The following PRKCE variants were observed in gnomAD, a reference collection of about 807,000 sequenced individuals.
PRKCE encodes protein kinase C epsilon type.
Under a neutral mutation model 85.4 loss-of-function variants are expected in PRKCE, and 16 were observed. The observed-to-expected ratio is 0.19, with a 90% CI of 0.13 to 0.28. PRKCE has a LOEUF of 0.28. Ranked by LOEUF, PRKCE falls within the 10% of genes least tolerant of loss-of-function variation. PRKCE has a pLI of 1.00. For missense variants in PRKCE, 573 were observed against 975.2 expected (o/e 0.59, Z 5.49); for synonymous variants, 388 against 371.5 (o/e 1.04, Z -0.51).
At chr2:45,708,017 A>G (rs1679264149) in intron 1 of PRKCE, among the ~76,000 whole-genome samples, 2 of 152,224 alleles carry the variant, frequency 1.3e-5, no homozygotes, top group Non-Finnish European at 2.9e-5. Context: ...CCTCGATGGC[A>G]GGCAGTGCAT....
At chr2:45,752,330 A>G (rs1169642416) in intron 1 of PRKCE, among the ~76,000 whole-genome samples, 2 of 152,224 alleles carry the variant, frequency 1.3e-5, no homozygotes, top group Admixed American at 1.3e-4. Context: ...TTTTAAGTAG[A>G]AGAGTTGAGT....
chr2:45,717,107 T>C (rs930965454), intron 1 of PRKCE, among the ~76,000 whole-genome samples: 1 of 152,236 alleles, frequency 6.6e-6, no homozygotes, highest in African/African-American at 2.4e-5. Flanking sequence ...CTCTGCTATC[T>C]GAACCTGTCC....
At chr2:45,656,382 T>A (rs766189820) in intron 1 of PRKCE, among the ~76,000 whole-genome samples, 1 of 152,190 alleles carries the variant, frequency 6.6e-6, no homozygotes, top group Admixed American at 6.5e-5. Flanking sequence ...CTGAGGTGAA[T>A]TCTAGAATGC....
chr2:45,760,072 C>T (rs2104815753), intron 1 of PRKCE, among the ~76,000 whole-genome samples: 1 of 152,274 alleles, frequency 6.6e-6, no homozygotes, highest in South Asian at 2.1e-4. Context: ...GCTGGAATTA[C>T]AGGAGGGAGC....
chr2:46,079,601 C>G (rs1007427891), intron 10 of PRKCE, among the ~76,000 whole-genome samples: 1 of 152,346 alleles, frequency 6.6e-6, no homozygotes, highest in Admixed American at 6.5e-5. Flanking sequence ...CATGCTGTCA[C>G]CAGCATATCA....
intron 10 of PRKCE, among the ~76,000 whole-genome samples, chr2:46,019,959 C>G (rs1706506873): frequency 6.6e-6 from 1 of 150,842 alleles, no homozygotes; most frequent in African/African-American, 2.4e-5. Context: ...AAGCAATTCT[C>G]CTGCCTCAGC....
intron 6 of PRKCE, among the ~76,000 whole-genome samples, chr2:45,996,092 A>G (rs903544182): frequency 1.3e-5 from 2 of 152,142 alleles, no homozygotes. Context: ...TGAGATTTAT[A>G]TGTAAATATT....
At chr2:45,761,077 C>T (rs928685347) in intron 1 of PRKCE, among the ~76,000 whole-genome samples, 4 of 152,174 alleles carry the variant, frequency 2.6e-5, no homozygotes, top group African/African-American at 9.6e-5. Context: ...CCTGTAATCC[C>T]AGCACTTTGG....
chr2:45,821,315 AC>A (rs1409649929), intron 1 of PRKCE, among the ~76,000 whole-genome samples: 1 of 152,226 alleles, frequency 6.6e-6, no homozygotes, highest in East Asian at 1.9e-4. Flanking sequence ...GAAGAGACAG[AC>A]CACCATAGCC....
intron 1 of PRKCE, among the ~76,000 whole-genome samples, chr2:45,783,121 G>A (rs1255222117): frequency 5.3e-5 from 8 of 152,182 alleles, no homozygotes; most frequent in Non-Finnish European, 1.2e-4. Context: ...CTGGTGCTTG[G>A]CAGACTGGGT....
chr2:45,851,290 C>T (rs1692234493), intron 2 of PRKCE, among the ~76,000 whole-genome samples: 1 of 152,242 alleles, frequency 6.6e-6, no homozygotes, highest in African/African-American at 2.4e-5. Context: ...TTCAGGAAGA[C>T]ATGTGATGTA....
rs34009723 is a variant in PRKCE at position 46,065,705 on chromosome 2, C to G, written c.1438-20503C>G. Among the ~76,000 whole-genome samples, 16 of 151,922 alleles carry G rather than the reference C, an allele frequency of 1.1e-4. 1 individual carries two copies. Among genetic ancestry groups the G allele is most frequent in the Non-Finnish European group, 1.9e-4 (13 of 67,934 alleles). ...GTCACTGGAGGTCAGAAACATATGG[C>G]AAAAAGGAATTTAAATATTTTCCAA... On this transcript the variant is annotated intron_variant, in intron 10 of 14. Coordinates refer to ENST00000306156, the MANE Select transcript of PRKCE (RefSeq NM_005400.3).
intron 1 of PRKCE, among the ~76,000 whole-genome samples, chr2:45,788,617 A>G (rs1163880653): frequency 6.6e-6 from 1 of 152,222 alleles, no homozygotes; most frequent in Non-Finnish European, 1.5e-5. Flanking sequence ...TTTAGAAACC[A>G]GATAAGTGAT....
At chr2:45,947,681 C>T (rs1346472743) in intron 2 of PRKCE, among the ~76,000 whole-genome samples, 3 of 152,094 alleles carry the variant, frequency 2.0e-5, no homozygotes, top group Non-Finnish European at 4.4e-5. Flanking sequence ...TGTCTATAGT[C>T]CTTATAATTC....
chr2:45,823,952 A>G (rs931913327), intron 1 of PRKCE, among the ~76,000 whole-genome samples: 1 of 152,226 alleles, frequency 6.6e-6, no homozygotes, highest in Non-Finnish European at 1.5e-5. Flanking sequence ...TGGACTGGGC[A>G]TTGCACTCAC....
intron 10 of PRKCE, among the ~76,000 whole-genome samples, chr2:46,081,339 A>G (rs998322321): frequency 3.0e-4 from 45 of 152,278 alleles, no homozygotes; most frequent in African/African-American, 9.4e-4. Flanking sequence ...TTGTTCTTCT[A>G]TTCACATGGT....
intron 1 of PRKCE, among the ~76,000 whole-genome samples, chr2:45,709,840 C>T (rs1243558898): frequency 6.6e-6 from 1 of 152,166 alleles, no homozygotes; most frequent in Non-Finnish European, 1.5e-5. Flanking sequence ...GAGACAGTCT[C>T]ACTCTGTCAC....
chr2:45,697,888 T>C lies in PRKCE; in HGVS notation c.348+45440T>C, dbSNP rs957405994. ...GATTCTTTAATTGGATGTAGTTTTT[T>C]TTTACATTGGAAGAAATTGAGAATA... is the stretch of plus-strand genomic sequence containing the variant. On this transcript the variant is annotated intron_variant, in intron 1 of 14. Coordinates refer to ENST00000306156, the MANE Select transcript of PRKCE (RefSeq NM_005400.3). This position sits in a 1 kb window ranked among gnomAD's most constrained non-coding sequence, Gnocchi z 4.2. 3 of 152,644 alleles carry C rather than the reference T, an allele frequency of 2.0e-5. No homozygotes were observed. The highest frequency in any genetic ancestry group is 7.2e-5 in the African/African-American group (3 of 41,436). The allele number at this position is 152,644 out of a possible 1,614,324, so 9.5% of individuals were successfully genotyped here. A position where few individuals can be genotyped will look rare whatever the true frequency, so the allele number is the denominator to read the frequency against.
Position 45,760,535 on chromosome 2 carries a change from AAGCGTGG to A in PRKCE, c.349-82462_349-82456del, listed in dbSNP as rs540212225. ...GTCCATCGACAACAAAAGCCTTCAT[AAGCGTGG>A]AGGATTGAACACCAAGGCGTGACAC... On this transcript the variant is annotated intron_variant, in intron 1 of 14. Coordinates refer to ENST00000306156, the MANE Select transcript of PRKCE (RefSeq NM_005400.3). 2.0e-4 allele frequency among the ~76,000 whole-genome samples: 30 copies of A among 152,350 alleles called. No individual in the cohort carries two copies. The South Asian group carries it at 5.6e-3, about 28-fold the overall frequency.
Sources: allele counts gnomAD v4.1 joint callset (sites outside exome capture counted in the v4.1 genomes callset), GRCh38; gene constraint gnomAD v4.1.1; non-coding constraint Gnocchi (gnomAD v3.1); transcripts MANE v1.5; gene names NCBI Gene and HGNC (gene_info 2026-07-23, HGNC 2026-07-21).